Variants in SMARCAL1 observed in about 807,000 individuals in gnomAD.
The protein encoded by SMARCAL1 is ATP-driven annealing helicase.
SMARCAL1 carries 58 observed loss-of-function variants against 94.5 expected under a neutral mutation model. The ratio of observed to expected loss-of-function variants is 0.61; its 90% CI spans 0.50 to 0.76. The LOEUF (loss-of-function observed/expected upper bound fraction) is 0.76. SMARCAL1 is among the 30% of genes least tolerant of loss of function. The pLI, the probability that SMARCAL1 is intolerant of heterozygous loss-of-function variation, is 0.00. For missense variants in SMARCAL1, 1,051 were observed against 1,177.9 expected, an observed-to-expected ratio of 0.89 and a Z score of 1.58; for synonymous variants, 422 against 455.1, an observed-to-expected ratio of 0.93 and a Z score of 0.93.
At position 216,450,992 on chromosome 2, in the gene SMARCAL1, A is replaced by G; in HGVS notation, c.1998A>G (p.Pro666=). 1 of 1,614,236 alleles carries G rather than the reference A, an allele frequency of 6.2e-7. No individual in the cohort carries two copies. The highest frequency in any genetic ancestry group is 8.5e-7 in the Non-Finnish European group (1 of 1,180,030). The change falls in exon 12 of 18, where the codon CCA becomes CCG. Residue 666 remains proline (P), a synonymous_variant. Coordinates refer to ENST00000357276, the MANE Select transcript of SMARCAL1 (RefSeq NM_014140.4). ...AGCGCAAGATAGTGGTGATTGCCCC[A>G]GGACGGATCAATGCCAGGACCAGAG... ...AKQRKIVVIA[P]GRINARTRAA...
chr2:216,457,368 C>G (rs1694590189), intron 12 of SMARCAL1, among the ~76,000 whole-genome samples: 1 of 152,218 alleles, frequency 6.6e-6, no homozygotes, highest in Admixed American at 6.5e-5. Flanking sequence ...CTCTCCACCC[C>G]AAATCAACAG....
At chr2:216,472,602 A>G (rs932709664) in intron 14 of SMARCAL1, among the ~76,000 whole-genome samples, 1 of 151,392 alleles carries the variant, frequency 6.6e-6, no homozygotes, top group Non-Finnish European at 1.5e-5. Context: ...ACTATTAGCC[A>G]CCTCTGTGAC....
chr2:216,438,791 T>A (rs1288276510), intron 10 of SMARCAL1, among the ~76,000 whole-genome samples: 1 of 152,216 alleles, frequency 6.6e-6, no homozygotes, highest in Non-Finnish European at 1.5e-5. Flanking sequence ...CTCCTCTGGC[T>A]TCCTACTTAG....
chr2:216,416,151 G>T, intron 3 of SMARCAL1, 106 bp from the exon 4 acceptor site: 1 of 889,304 alleles, frequency 1.1e-6, no homozygotes, highest in African/African-American at 1.6e-5. Context: ...TTGCTGGTCA[G>T]CTGTTTTGAA....
At chr2:216,442,353 G>A (rs1694215218) in intron 10 of SMARCAL1, among the ~76,000 whole-genome samples, 1 of 149,090 alleles carries the variant, frequency 6.7e-6, no homozygotes, top group Non-Finnish European at 1.5e-5. Flanking sequence ...AGAGGCGGAG[G>A]TTGCCCTGAG....
At chr2:216,453,904 A>G (rs181338670) in intron 12 of SMARCAL1, among the ~76,000 whole-genome samples, 1 of 152,348 alleles carries the variant, frequency 6.6e-6, no homozygotes, top group East Asian at 1.9e-4. Flanking sequence ...GAGCCAATTT[A>G]TAGAATGTAA....
intron 4 of SMARCAL1, among the ~76,000 whole-genome samples, chr2:216,420,050 A>G (rs984121717): frequency 1.3e-5 from 2 of 149,360 alleles, no homozygotes; most frequent in African/African-American, 2.5e-5. Flanking sequence ...AAAAAAAAGA[A>G]AAAAAAAAAA....
chr2:216,460,533 G>A (rs1049686219), intron 12 of SMARCAL1, among the ~76,000 whole-genome samples: 3 of 152,090 alleles, frequency 2.0e-5, no homozygotes, highest in African/African-American at 7.2e-5. Flanking sequence ...CATGTCCTTT[G>A]TAGGGACATG....
At position 216,432,663 on chromosome 2, in the gene SMARCAL1, G is replaced by A. The variant is rs1574456619; in HGVS notation, c.1335-55G>A. 12 of 1,609,404 alleles carry A rather than the reference G, an allele frequency of 7.5e-6. No individual in the cohort carries two copies. In the East Asian group the frequency reaches 1.6e-4, roughly 21 times the overall value. On this transcript the variant is annotated intron_variant, in intron 7 of 17. Coordinates refer to ENST00000357276, the MANE Select transcript of SMARCAL1 (RefSeq NM_014140.4). ...GCAGTGCTGACCCACCGGACATGAG[G>A]GCAGATGAACTCATGCCCCGGGAAA...
chr2:216,468,390 T>C (rs925580912), intron 14 of SMARCAL1, among the ~76,000 whole-genome samples: 7 of 152,242 alleles, frequency 4.6e-5, no homozygotes, highest in Admixed American at 2.0e-4. Context: ...TTTATGTGAA[T>C]GTTTTCCTCT....
At chr2:216,415,882 C>A in intron 3 of SMARCAL1, 2 of 369,294 alleles carry the variant, frequency 5.4e-6, no homozygotes, top group South Asian at 5.4e-5. Flanking sequence ...AGTGACAGGC[C>A]CAGTTTCATT....
chr2:216,413,480 T>G (rs1358699930), intron 1 of SMARCAL1, among the ~76,000 whole-genome samples: 1 of 152,176 alleles, frequency 6.6e-6, no homozygotes, highest in Non-Finnish European at 1.5e-5. Context: ...AATTCTTATA[T>G]CTCCTAAATA....
intron 12 of SMARCAL1, among the ~76,000 whole-genome samples, chr2:216,459,260 C>T (rs551682938): frequency 6.6e-6 from 1 of 152,142 alleles, no homozygotes; most frequent in Non-Finnish European, 1.5e-5. Flanking sequence ...CCATACTGCC[C>T]AGGGTAATTT....
chr2:216,460,644 C>A lies in SMARCAL1; in HGVS notation c.2071-3953C>A, dbSNP rs1388473551. ...AGGTGGGAATTGAACAATGAGAACA[C>A]TTGGACACAGGAAGGGGAACATCAC... On this transcript the variant is annotated intron_variant, in intron 12 of 17. Transcript: ENST00000357276. Among the ~76,000 whole-genome samples, 16 of 132,124 alleles carry A rather than the reference C, an allele frequency of 1.2e-4. No individual in the cohort carries two copies. In the Admixed American group the frequency reaches 1.3e-3, roughly 11 times the overall value. 86.7% of individuals were successfully genotyped at this position (132,124 alleles called of 152,430 possible).
In SMARCAL1 at chr2:216,416,059, T is replaced by C. The variant is rs530497488; in HGVS notation, c.812-198T>C. ...AGTTCATAACTTCCCAGGGCCTGAG[T>C]TGGATTCCACTACATGGAATAAAAG... On this transcript the variant is annotated intron_variant, in intron 3 of 17. Transcript: ENST00000357276. 9.0e-6 allele frequency: 5 copies of C among 553,126 alleles called. No individual in the cohort carries two copies. The East Asian group carries it at 1.4e-4, about 16-fold the overall frequency. 34.3% of individuals were successfully genotyped at this position (553,126 alleles called of 1,614,324 possible).
intron 12 of SMARCAL1, among the ~76,000 whole-genome samples, chr2:216,460,019 G>A (rs533275726): frequency 6.6e-6 from 1 of 152,208 alleles, no homozygotes; most frequent in South Asian, 2.1e-4. Flanking sequence ...TCAACAAGCG[G>A]GCAAAGGATA....
chr2:216,413,214 C>T (rs560258474), intron 1 of SMARCAL1, among the ~76,000 whole-genome samples: 1 of 152,234 alleles, frequency 6.6e-6, no homozygotes, highest in East Asian at 1.9e-4. Context: ...GGCTTTGAAC[C>T]CTATAGCTGC....
chr2:216,443,599 A>C (rs1367315327), intron 10 of SMARCAL1, among the ~76,000 whole-genome samples: 1 of 152,240 alleles, frequency 6.6e-6, no homozygotes, highest in Non-Finnish European at 1.5e-5. Flanking sequence ...TTATCATAGC[A>C]AATCAGTTTA....
intron 5 of SMARCAL1, among the ~76,000 whole-genome samples, chr2:216,421,826 C>T (rs1353078230): frequency 6.6e-6 from 1 of 152,216 alleles, no homozygotes; most frequent in African/African-American, 2.4e-5. Flanking sequence ...CACATTCAAG[C>T]ATTGTCCTGG....
Sources: gnomAD v4.1 joint callset for allele counts (sites outside exome capture counted in the v4.1 genomes callset) on GRCh38, gnomAD v4.1.1 for gene constraint, MANE v1.5 for transcripts, NCBI Gene and HGNC (gene_info 2026-07-23, HGNC 2026-07-21) for gene names.